Variants in EFNB2 observed in about 807,000 individuals in gnomAD.
The protein encoded by EFNB2 is ephrin B2, also known as ephrin-B2.
EFNB2 carries 5 observed loss-of-function variants against 32.1 expected under a neutral mutation model. The observed-to-expected ratio is 0.16, with a 90% CI of 0.08 to 0.33. The LOEUF (loss-of-function observed/expected upper bound fraction) is 0.33, where lower values mean the gene tolerates loss of function less well. EFNB2 is among the 10% of genes least tolerant of loss of function. The pLI is 1.00. For synonymous variants in EFNB2, 168 were observed against 166.5 expected (o/e 1.01, Z -0.07); for missense variants, 263 against 422.6 (o/e 0.62, Z 3.31).
chr13:106,507,623 TAAAAAAA>T (rs140580991), intron 2 of EFNB2, among the ~76,000 whole-genome samples: 5,266 of 149,546 alleles, frequency 0.035, 325 homozygotes, highest in African/African-American at 0.12. Context: ...TACTCTTTAT[TAAAAAAA>T]AAATAAAAAA....
intron 1 of EFNB2, among the ~76,000 whole-genome samples, chr13:106,528,180 A>G (rs1018106210): frequency 3.3e-5 from 5 of 152,226 alleles, no homozygotes; most frequent in African/African-American, 1.2e-4. Context: ...GCATTAAGTT[A>G]GAAAAAGAAG....
rs1295965095 is a variant in EFNB2 at position 106,490,331 on chromosome 13, AC to A, written c.*2708del. 1.4e-4 allele frequency: 22 copies of A among 152,326 alleles called. No individual in the cohort carries two copies. The highest frequency in any genetic ancestry group is 5.1e-4 in the African/African-American group (21 of 41,572). 9.4% of individuals were successfully genotyped at this position (152,326 alleles called of 1,614,324 possible). A position where few individuals can be genotyped will look rare whatever the true frequency, so the allele number is the denominator to read the frequency against. ...ATGGTGCAAATTCCAAAGTCGGGTG[AC>A]CAGGGACGATCATACAAGCAAGGCA... On this transcript the variant is annotated 3_prime_UTR_variant, in exon 5 of 5. Transcript: ENST00000646441.
Position 106,534,823 on chromosome 13 carries a change from G to A in EFNB2, c.122+20C>T. The A allele has an allele frequency of 6.2e-7, 1 of 1,606,644 alleles. No homozygotes were observed. The highest frequency in any genetic ancestry group is 1.1e-5 in the South Asian group (1 of 90,074). ...CGGACCCCGGGGCGGGGACATAGGG[G>A]GATCGCGGACGCCACTTACTTGGAG... is the stretch of plus-strand genomic sequence containing the variant. On this transcript the variant is annotated intron_variant, in intron 1 of 4. Transcript: ENST00000646441.
intron 2 of EFNB2, among the ~76,000 whole-genome samples, chr13:106,499,634 A>T (rs1566455720): frequency 6.6e-6 from 1 of 152,226 alleles, no homozygotes; most frequent in African/African-American, 2.4e-5. Context: ...ATGAAATCAC[A>T]TTTAATCATT....
chr13:106,508,096 C>A (rs1403889977), intron 2 of EFNB2, among the ~76,000 whole-genome samples: 1 of 152,116 alleles, frequency 6.6e-6, no homozygotes, highest in African/African-American at 2.4e-5. Flanking sequence ...GAATAACCAG[C>A]CCACAGAACC....
intron 1 of EFNB2, among the ~76,000 whole-genome samples, chr13:106,514,788 G>A (rs1343769682): frequency 6.6e-6 from 1 of 152,070 alleles, no homozygotes; most frequent in Non-Finnish European, 1.5e-5. Flanking sequence ...GCTACTATTA[G>A]GGGAAGTATT....
chr13:106,530,524 A>G (rs1022078633), intron 1 of EFNB2, among the ~76,000 whole-genome samples: 4 of 152,144 alleles, frequency 2.6e-5, no homozygotes, highest in Admixed American at 1.3e-4. Flanking sequence ...CAGTTTAATC[A>G]CCTTCCTTAG....
At chr13:106,505,156 T>C (rs757958996) in intron 2 of EFNB2, among the ~76,000 whole-genome samples, 1 of 152,220 alleles carries the variant, frequency 6.6e-6, no homozygotes, top group East Asian at 1.9e-4. Flanking sequence ...GATACAAGCA[T>C]ACAGTCCATC....
At chr13:106,525,070 A>G (rs772522735) in intron 1 of EFNB2, among the ~76,000 whole-genome samples, 2 of 152,212 alleles carry the variant, frequency 1.3e-5, no homozygotes, top group Non-Finnish European at 2.9e-5. Flanking sequence ...ACTTTTATTA[A>G]TAACAACTGG....
intron 1 of EFNB2, among the ~76,000 whole-genome samples, chr13:106,534,379 T>G (rs1489522626): frequency 6.6e-6 from 1 of 152,124 alleles, no homozygotes; most frequent in African/African-American, 2.4e-5. Flanking sequence ...CGCGCTTCGC[T>G]GCCAGCGTCC....
rs1879386195 is a variant in EFNB2 at position 106,518,357 on chromosome 13, A to T, written c.123-5545T>A. Reference sequence around the variant, plus strand: ...TCTCCAAAAAATAAAAAAATTAGTCATTATGCAACACAATATTCTTTAATA... The same window carrying T: ...TCTCCAAAAAATAAAAAAATTAGTCTTTATGCAACACAATATTCTTTAATA... On this transcript the variant is annotated intron_variant, in intron 1 of 4. Coordinates refer to ENST00000646441, the MANE Select transcript of EFNB2 (RefSeq NM_004093.4). This position sits in a 1 kb window ranked among gnomAD's most constrained non-coding sequence, Gnocchi z 4.1. The T allele has an allele frequency of 6.6e-6, 1 of 152,240 alleles. No homozygotes were observed. The highest frequency in any genetic ancestry group is 1.5e-5 in the Non-Finnish European group (1 of 68,056). The allele number at this position is 152,240 out of a possible 1,614,324, so 9.4% of individuals were successfully genotyped here.
In EFNB2 at chr13:106,535,406, C is replaced by G. The variant is rs1880044380; in HGVS notation, c.-442G>C. ...ACTATAGATCCAGTGCAGCGGGCAG[C>G]GGCCCGAGCGCGCGGGCGCCGCGTC... On this transcript the variant is annotated 5_prime_UTR_variant, in exon 1 of 5. Coordinates refer to ENST00000646441, the MANE Select transcript of EFNB2 (RefSeq NM_004093.4). 1 of 150,352 alleles carries G rather than the reference C, an allele frequency of 6.7e-6. No individual in the cohort carries two copies. Among genetic ancestry groups the G allele is most frequent in the African/African-American group, 2.4e-5 (1 of 41,120 alleles). The allele number at this position is 150,352 out of a possible 1,614,324, so 9.3% of individuals were successfully genotyped here. A position where few individuals can be genotyped will look rare whatever the true frequency, so the allele number is the denominator to read the frequency against.
At chr13:106,526,854 G>A (rs1879717419) in intron 1 of EFNB2, among the ~76,000 whole-genome samples, 1 of 152,206 alleles carries the variant, frequency 6.6e-6, no homozygotes, top group South Asian at 2.1e-4. Flanking sequence ...CCCTAGGCTG[G>A]AAGAGATCAA....
intron 4 of EFNB2, among the ~76,000 whole-genome samples, chr13:106,494,421 G>A (rs1029514188): frequency 5.3e-5 from 8 of 152,040 alleles, no homozygotes; most frequent in Non-Finnish European, 1.0e-4. Flanking sequence ...ACAAAATAAC[G>A]ATAACCACCT....
intron 2 of EFNB2, among the ~76,000 whole-genome samples, chr13:106,500,354 G>A (rs1376438124): frequency 6.6e-6 from 1 of 152,130 alleles, no homozygotes; most frequent in East Asian, 1.9e-4. Context: ...TGTGAAACGG[G>A]GAAGCACAAA....
In EFNB2 at chr13:106,493,489, T is replaced by G. The variant is rs532894738; in HGVS notation, c.614-61A>C. On this transcript the variant is annotated intron_variant, in intron 4 of 4. Coordinates refer to ENST00000646441, the MANE Select transcript of EFNB2 (RefSeq NM_004093.4). This position sits in a 1 kb window ranked among gnomAD's most constrained non-coding sequence, Gnocchi z 6.1. ...TACTGCTGTCCCAGTGCAGACGGACTGCTTTTATGACCCTTAAAAATGTGA... is the reference window on the plus strand; with the variant it reads ...TACTGCTGTCCCAGTGCAGACGGACGGCTTTTATGACCCTTAAAAATGTGA... 7.6e-5 allele frequency: 117 copies of G among 1,537,248 alleles called. 1 individual carries two copies. The highest frequency in any genetic ancestry group is 6.4e-4 in the Admixed American group (33 of 51,192).
intron 1 of EFNB2, chr13:106,516,966 T>C (rs566946005): frequency 1.1e-4 from 16 of 152,308 alleles, no homozygotes; most frequent in African/African-American, 3.8e-4. Flanking sequence ...TGGAAAACAA[T>C]TGAGTTCCAT....
At position 106,534,899 on chromosome 13, in the gene EFNB2, A is replaced by C. The variant is rs747774622; in HGVS notation, c.66T>G (p.Thr22=). ...CTAAAACTATCGATTTGGAAATCGC[A>C]GTTCTGCATAAAACCATCAAAACAC... ...CWGVLMVLCR[T]AISKSIVLEP... The change falls in exon 1 of 5, where the codon ACT becomes ACG. Residue 22 remains threonine (T), a synonymous_variant. Coordinates refer to ENST00000646441, the MANE Select transcript of EFNB2 (RefSeq NM_004093.4). 6.2e-7 allele frequency: 1 copy of C among 1,613,840 alleles called. No individual in the cohort carries two copies. Among genetic ancestry groups the C allele is most frequent in the East Asian group, 2.2e-5 (1 of 44,822 alleles).
rs1878422244 is a variant in EFNB2 at position 106,491,974 on chromosome 13, A to C, written c.*1066T>G. On this transcript the variant is annotated 3_prime_UTR_variant, in exon 5 of 5. Coordinates refer to ENST00000646441, the MANE Select transcript of EFNB2 (RefSeq NM_004093.4). ...ACTCTCCTACAGCTCGGAGCTGTGT[A>C]TCTTATTGCCAGTACCACAACAGTC... 6.6e-6 allele frequency: 1 copy of C among 152,622 alleles called. No individual in the cohort carries two copies. The highest frequency in any genetic ancestry group is 2.4e-5 in the African/African-American group (1 of 41,432). The allele number at this position is 152,622 out of a possible 1,614,324, so 9.5% of individuals were successfully genotyped here.
Sources: allele counts gnomAD v4.1 joint callset (sites outside exome capture counted in the v4.1 genomes callset), GRCh38; gene constraint gnomAD v4.1.1; non-coding constraint Gnocchi (gnomAD v3.1); transcripts MANE v1.5; gene names NCBI Gene and HGNC (gene_info 2026-07-23, HGNC 2026-07-21).